ATP2C2: variants seen among roughly 807,000 people sequenced by gnomAD.
ATP2C2 encodes ATPase secretory pathway Ca2+ transporting 2.
Under a neutral mutation model 110.8 loss-of-function variants are expected in ATP2C2, and 171 were observed. The observed-to-expected ratio is 1.54, with a 90% CI of 1.36 to 1.75. The LOEUF (loss-of-function observed/expected upper bound fraction) is 1.75. Ranked by LOEUF, ATP2C2 falls within the 40% of genes most tolerant of loss-of-function variation. The probability of loss-of-function intolerance (pLI) is 0.00; values close to 1 mark genes in which losing one functional copy is unlikely to be tolerated. For missense variants in ATP2C2, 1,963 were observed against 1,235.0 expected (o/e 1.59, Z -8.84); for synonymous variants, 804 against 508.4 (o/e 1.58, Z -7.82).
chr16:84,453,154 G>T lies in ATP2C2; in HGVS notation c.1848G>T (p.Leu616=). The part of the protein sequence containing the change: ...TALAIGRNIG[L]CNGKLQAMSG... Reference sequence around the variant, plus strand: ...CTTCTGAAGGAAGAAACATCGGCCTGTGCAACGGGAAGCTGCAAGCCATGT... The same window carrying T: ...CTTCTGAAGGAAGAAACATCGGCCTTTGCAACGGGAAGCTGCAAGCCATGT... The change falls in exon 19 of 27, where the codon CTG becomes CTT. Residue 616 remains leucine, a synonymous_variant. Transcript: ENST00000262429. The T allele has an allele frequency of 6.2e-7, 1 of 1,613,150 alleles. No individual in the cohort carries two copies. The highest frequency in any genetic ancestry group is 8.5e-7 in the Non-Finnish European group (1 of 1,179,506).
intron 15 of ATP2C2, among the ~76,000 whole-genome samples, chr16:84,444,851 G>A (rs903773739): frequency 2.6e-5 from 4 of 152,208 alleles, no homozygotes; most frequent in African/African-American, 7.2e-5. Context: ...TGACAGGCAT[G>A]GGGCAAGCAC....
chr16:84,431,880 C>G (rs905699507), intron 11 of ATP2C2, among the ~76,000 whole-genome samples: 2 of 152,114 alleles, frequency 1.3e-5, no homozygotes, highest in South Asian at 2.1e-4. Context: ...GGAGCCCCAG[C>G]TTATTACAGA....
chr16:84,435,813 C>A (rs935809639), intron 11 of ATP2C2, among the ~76,000 whole-genome samples: 2 of 129,964 alleles, frequency 1.5e-5, no homozygotes, highest in Non-Finnish European at 3.2e-5. Context: ...GGCGACAGAG[C>A]AAGAACCTGC....
rs201453132 is a variant in ATP2C2 at position 84,461,749 on chromosome 16, G to T, written c.2517G>T (p.Thr839=). 2 of 1,614,072 alleles carry T rather than the reference G, an allele frequency of 1.2e-6. No homozygotes were observed. Among genetic ancestry groups the T allele is most frequent in the Non-Finnish European group, 1.7e-6 (2 of 1,180,030 alleles). The stretch of plus-strand genomic sequence containing the variant: ...ACAGAGCAAGCACTCCCCGCACCAC[G>T]ACGATGACGTTCACTTGTTTTGTGT... The part of the protein sequence containing the change: ...PEDRASTPRT[T]TMTFTCFVFF... The change falls in exon 25 of 27, where the codon ACG becomes ACT. Residue 839 remains threonine, a synonymous_variant. Transcript: ENST00000262429.
chr16:84,375,242 A>C (rs1213089134), intron 1 of ATP2C2, among the ~76,000 whole-genome samples: 1 of 152,256 alleles, frequency 6.6e-6, no homozygotes, highest in East Asian at 1.9e-4. Context: ...TGTTTTTAAC[A>C]TGAAAAACGT....
chr16:84,461,369 G>A lies in ATP2C2; in HGVS notation c.2482-345G>A, dbSNP rs993251077. On this transcript the variant is annotated intron_variant, in intron 24 of 26. Coordinates refer to ENST00000262429, the MANE Select transcript of ATP2C2 (RefSeq NM_014861.4). ...CTCCAGCTCTCCCTCTACTACTGAC[G>A]GCCATCCTTCAGCCTTCCTTGTAGG... is the stretch of plus-strand genomic sequence containing the variant. The A allele has an allele frequency of 1.4e-5, 6 of 416,700 alleles. No homozygotes were observed. The South Asian group carries it at 1.5e-4, about 10-fold the overall frequency. 25.8% of individuals were successfully genotyped at this position (416,700 alleles called of 1,614,324 possible).
chr16:84,420,370 C>T (rs1907218344), intron 7 of ATP2C2, among the ~76,000 whole-genome samples: 1 of 152,150 alleles, frequency 6.6e-6, no homozygotes, highest in Non-Finnish European at 1.5e-5. Flanking sequence ...TCACTCCCCA[C>T]CCCATGTGCC....
intron 13 of ATP2C2, among the ~76,000 whole-genome samples, chr16:84,440,159 G>T (rs113205982): frequency 0.022 from 3,362 of 152,240 alleles, 147 homozygotes; most frequent in African/African-American, 0.077. Flanking sequence ...TTAAGCCAGG[G>T]TCTTGCTGTG....
At chr16:84,408,012 G>C (rs1434435503) in intron 3 of ATP2C2, among the ~76,000 whole-genome samples, 1 of 152,230 alleles carries the variant, frequency 6.6e-6, no homozygotes, top group Non-Finnish European at 1.5e-5. Context: ...GGCTGTTACT[G>C]AGTTTGGTGA....
intron 3 of ATP2C2, among the ~76,000 whole-genome samples, chr16:84,407,019 C>T (rs1303258792): frequency 6.6e-6 from 1 of 152,198 alleles, no homozygotes; most frequent in Non-Finnish European, 1.5e-5. Context: ...CTTGTCGGTT[C>T]AGCAATGCAT....
At chr16:84,445,325 CAG>C (rs890418306) in intron 15 of ATP2C2, among the ~76,000 whole-genome samples, 2 of 152,040 alleles carry the variant, frequency 1.3e-5, no homozygotes, top group African/African-American at 4.8e-5. Context: ...TCTCCTGCCT[CAG>C]CCTCCCAAGT....
chr16:84,405,291 G>A (rs755720594), intron 3 of ATP2C2, 47 bp downstream of exon 3: 32 of 1,499,860 alleles, frequency 2.1e-5, no homozygotes, highest in Middle Eastern at 3.6e-4. Context: ...ATAAGCCAGC[G>A]AGGGTGGGGC....
intron 6 of ATP2C2, 33 bp downstream of exon 6, chr16:84,410,798 C>T (rs1459004708): frequency 2.5e-6 from 4 of 1,596,434 alleles, no homozygotes; most frequent in Non-Finnish European, 2.6e-6. Context: ...CTTTTTGGTT[C>T]ACTGGAGGAG....
intron 7 of ATP2C2, among the ~76,000 whole-genome samples, chr16:84,416,045 G>A (rs1344758963): frequency 6.6e-6 from 1 of 152,178 alleles, no homozygotes; most frequent in African/African-American, 2.4e-5. Context: ...ATGGTGGCAT[G>A]TGCCTGTAGT....
At chr16:84,442,478 T>C in intron 14 of ATP2C2, 32 bp from the exon 15 acceptor site, 1 of 1,609,568 alleles carries the variant, frequency 6.2e-7, no homozygotes, top group Non-Finnish European at 8.5e-7. Flanking sequence ...AGCCCAGTAC[T>C]AACTACAGAT....
At chr16:84,450,002 G>A (rs1041885992) in intron 17 of ATP2C2, among the ~76,000 whole-genome samples, 1 of 152,228 alleles carries the variant, frequency 6.6e-6, no homozygotes, top group Non-Finnish European at 1.5e-5. Context: ...AGGTGACACA[G>A]CCCTGCCTAG....
In ATP2C2 at chr16:84,439,438, G is replaced by T. The variant is rs202026876; in HGVS notation, c.1123G>T (p.Val375Phe). Residue 375 changes from valine (V) to phenylalanine (F), a missense_variant, in exon 13 of 27, where the codon GTT becomes TTT. Physicochemically the swap from Val to Phe is conservative, Grantham distance 50 (BLOSUM62 -1). Coordinates refer to ENST00000262429, the MANE Select transcript of ATP2C2 (RefSeq NM_014861.4). ...GTTTGTTGTACCAGGTTGCTGCAGC[G>T]TTCTCTGTTCTGACAAGACGGGGAC... is the stretch of plus-strand genomic sequence containing the variant. ...PIVETLGCCS[V>F]LCSDKTGTLT... 6.2e-7 allele frequency: 1 copy of T among 1,613,972 alleles called. No individual in the cohort carries two copies. Among genetic ancestry groups the T allele is most frequent in the Non-Finnish European group, 8.5e-7 (1 of 1,180,010 alleles).
At chr16:84,429,628 G>C (rs1374500061) in intron 11 of ATP2C2, among the ~76,000 whole-genome samples, 1 of 152,218 alleles carries the variant, frequency 6.6e-6, no homozygotes, top group Non-Finnish European at 1.5e-5. Flanking sequence ...GTAGGTCTCA[G>C]TGGGGATGGA....
At position 84,439,441 on chromosome 16, in the gene ATP2C2, C is replaced by T; in HGVS notation, c.1126C>T (p.Leu376Phe). ...IVETLGCCSV[L>F]CSDKTGTLTA... ...TGTTGTACCAGGTTGCTGCAGCGTT[C>T]TCTGTTCTGACAAGACGGGGACTCT... The change falls in exon 13 of 27, where the codon CTC becomes TTC. Residue 376 changes from leucine to phenylalanine, a missense_variant. Coordinates refer to ENST00000262429, the MANE Select transcript of ATP2C2 (RefSeq NM_014861.4). 6.2e-7 allele frequency: 1 copy of T among 1,614,140 alleles called. No individual in the cohort carries two copies. The highest frequency in any genetic ancestry group is 8.5e-7 in the Non-Finnish European group (1 of 1,180,026).
Sources: allele counts gnomAD v4.1 joint callset (sites outside exome capture counted in the v4.1 genomes callset), GRCh38; gene constraint gnomAD v4.1.1; transcripts MANE v1.5; gene names NCBI Gene and HGNC (gene_info 2026-07-23, HGNC 2026-07-21).